Variants in SIL1 observed in about 807,000 individuals in gnomAD.
SIL1 encodes nucleotide exchange factor SIL1.
Under a neutral mutation model 49.1 loss-of-function variants are expected in SIL1, and 40 were observed. The ratio of observed to expected loss-of-function variants is 0.81; its 90% CI spans 0.63 to 1.06. The LOEUF (loss-of-function observed/expected upper bound fraction) is 1.06, where lower values mean the gene tolerates loss of function less well. Among genes scored for constraint, SIL1 ranks in the 50% least tolerant of loss-of-function variants. SIL1 has a pLI of 0.00. For missense variants in SIL1, 500 were observed against 572.6 expected, an observed-to-expected ratio of 0.87 and a Z score of 1.29; for synonymous variants, 253 against 250.8, an observed-to-expected ratio of 1.01 and a Z score of -0.08.
At chr5:139,074,422 A>C (rs1769900311) in intron 3 of SIL1, among the ~76,000 whole-genome samples, 1 of 152,252 alleles carries the variant, frequency 6.6e-6, no homozygotes, top group African/African-American at 2.4e-5. Flanking sequence ...TCAATTTTTA[A>C]CAAATAATAT....
chr5:138,990,921 G>T lies in SIL1; in HGVS notation c.767+30250C>A, dbSNP rs539431135. On this transcript the variant is annotated intron_variant, in intron 7 of 9. Coordinates refer to ENST00000394817, the MANE Select transcript of SIL1 (RefSeq NM_022464.5). ...AGTAGAGACGGGGTTTTGCCATGTT[G>T]GCCAGGCTCGTCTCAAACTCCCAGC... 8.3e-4 allele frequency among the ~76,000 whole-genome samples: 126 copies of T among 152,320 alleles called. 1 individual carries two copies. Among genetic ancestry groups the T allele is most frequent in the Admixed American group, 1.8e-3 (28 of 15,302 alleles).
intron 7 of SIL1, among the ~76,000 whole-genome samples, chr5:138,972,001 G>A (rs1238098373): frequency 6.6e-6 from 1 of 152,158 alleles, no homozygotes; most frequent in Non-Finnish European, 1.5e-5. Context: ...GTCTCCTTCA[G>A]GCCACACAGA....
At chr5:139,171,226 C>T (rs939731595) in intron 1 of SIL1, among the ~76,000 whole-genome samples, 13 of 152,222 alleles carry the variant, frequency 8.5e-5, no homozygotes, top group Admixed American at 6.5e-4. Context: ...GAGAACGGGC[C>T]GGGATGACAA....
chr5:139,146,618 T>C (rs1751201754), intron 1 of SIL1, among the ~76,000 whole-genome samples: 1 of 152,132 alleles, frequency 6.6e-6, no homozygotes. Context: ...AAAATATCTT[T>C]TCTGTAGTTT....
chr5:138,999,899 G>C (rs1767952128), intron 7 of SIL1, among the ~76,000 whole-genome samples: 1 of 152,002 alleles, frequency 6.6e-6, no homozygotes, highest in Non-Finnish European at 1.5e-5. Context: ...CTCAGAAAAA[G>C]AAAAAAGTTC....
intron 1 of SIL1, among the ~76,000 whole-genome samples, chr5:139,160,720 C>T (rs536166183): frequency 6.6e-6 from 1 of 152,224 alleles, no homozygotes; most frequent in Non-Finnish European, 1.5e-5. Context: ...GTCCCAGCTA[C>T]TCAGGAGGCT....
chr5:139,164,675 C>CTGTG (rs1751581586), intron 1 of SIL1, among the ~76,000 whole-genome samples: 1 of 152,196 alleles, frequency 6.6e-6, no homozygotes, highest in Admixed American at 6.5e-5. Context: ...TATCAGTACA[C>CTGTG]ACTTATTCAG....
At chr5:138,981,591 T>TC (rs1767523649) in intron 7 of SIL1, among the ~76,000 whole-genome samples, 1 of 152,066 alleles carries the variant, frequency 6.6e-6, no homozygotes, top group South Asian at 2.1e-4. Flanking sequence ...ACCAGGATAT[T>TC]CCCCCCTGGG....
intron 3 of SIL1, among the ~76,000 whole-genome samples, chr5:139,055,815 C>T (rs1157846957): frequency 6.6e-6 from 1 of 150,610 alleles, no homozygotes; most frequent in Non-Finnish European, 1.5e-5. Context: ...CGATTGCAGG[C>T]ACGCGCCGCC....
intron 3 of SIL1, among the ~76,000 whole-genome samples, chr5:139,075,568 C>T (rs1194140733): frequency 1.3e-5 from 2 of 152,190 alleles, no homozygotes; most frequent in Non-Finnish European, 2.9e-5. Context: ...GCCTCCCTGA[C>T]TCTGCAGACA....
At chr5:138,956,278 A>G (rs1766899545) in intron 7 of SIL1, among the ~76,000 whole-genome samples, 2 of 151,984 alleles carry the variant, frequency 1.3e-5, no homozygotes, top group Admixed American at 6.6e-5. Context: ...TTGCCCAGAA[A>G]GAAAGATTTC....
intron 3 of SIL1, among the ~76,000 whole-genome samples, chr5:139,072,891 C>G (rs988440709): frequency 2.6e-5 from 4 of 151,996 alleles, no homozygotes; most frequent in Non-Finnish European, 4.4e-5. Flanking sequence ...TTAAAATGGG[C>G]AAAGGACCTA....
At chr5:138,955,344 G>A (rs934920590) in intron 7 of SIL1, among the ~76,000 whole-genome samples, 4 of 152,206 alleles carry the variant, frequency 2.6e-5, no homozygotes, top group Admixed American at 2.6e-4. Context: ...TTCACAATCA[G>A]CAGGCAAGTC....
At chr5:139,177,532 C>T (rs1410207906) in intron 1 of SIL1, among the ~76,000 whole-genome samples, 1 of 152,034 alleles carries the variant, frequency 6.6e-6, no homozygotes, top group African/African-American at 2.4e-5. Flanking sequence ...GCCACCGCGC[C>T]CAGCCGAGAA....
At chr5:139,068,769 G>C (rs184130598) in intron 3 of SIL1, among the ~76,000 whole-genome samples, 115 of 150,566 alleles carry the variant, frequency 7.6e-4, no homozygotes, top group Admixed American at 5.3e-3. Flanking sequence ...ATGAGCAATA[G>C]AAAGTATTAT....
At chr5:139,038,124 G>A (rs1292650192) in intron 5 of SIL1, among the ~76,000 whole-genome samples, 1 of 152,046 alleles carries the variant, frequency 6.6e-6, no homozygotes, top group Non-Finnish European at 1.5e-5. Context: ...CCTTCCAAAG[G>A]TCCCACCTCC....
At chr5:138,972,528 G>T (rs968164175) in intron 7 of SIL1, among the ~76,000 whole-genome samples, 1 of 152,168 alleles carries the variant, frequency 6.6e-6, no homozygotes, top group African/African-American at 2.4e-5. Flanking sequence ...ATTTACTACA[G>T]CTGTTAAGAG....
At chr5:139,166,348 G>C (rs1751624341) in intron 1 of SIL1, among the ~76,000 whole-genome samples, 1 of 152,120 alleles carries the variant, frequency 6.6e-6, no homozygotes, top group African/African-American at 2.4e-5. Context: ...TGCTATTTTA[G>C]AGGGTACTCA....
chr5:139,027,062 T>C (rs777773815), intron 5 of SIL1, 70 bp from the exon 6 acceptor site: 7 of 1,467,644 alleles, frequency 4.8e-6, no homozygotes, highest in Non-Finnish European at 6.6e-6. Context: ...TGGTCTACCA[T>C]GGATGCCCAT....
Sources: allele counts gnomAD v4.1 joint callset (sites outside exome capture counted in the v4.1 genomes callset), GRCh38; gene constraint gnomAD v4.1.1; transcripts MANE v1.5; gene names NCBI Gene and HGNC (gene_info 2026-07-23, HGNC 2026-07-21).